Variants in HIVEP3 observed in about 807,000 individuals in gnomAD.
HIVEP3 encodes HIVEP zinc finger 3, also known as transcription factor HIVEP3.
In HIVEP3, 49 loss-of-function variants were observed where a neutral mutation model predicts 152.8. The ratio of observed to expected loss-of-function variants is 0.32; its 90% CI spans 0.26 to 0.41. The LOEUF is 0.41. Among genes scored for constraint, HIVEP3 ranks in the 10% least tolerant of loss-of-function variants. The pLI is 1.00. For missense variants in HIVEP3, 2,790 were observed against 3,103.3 expected (o/e 0.90, Z 2.40); for synonymous variants, 1,269 against 1,289.0 (o/e 0.98, Z 0.33).
At chr1:41,778,118 T>C (rs949672885) in intron 1 of HIVEP3, among the ~76,000 whole-genome samples, 7 of 152,298 alleles carry the variant, frequency 4.6e-5, no homozygotes, top group African/African-American at 1.7e-4. Context: ...TGCACGCACT[T>C]CATTGACCGA....
chr1:41,609,722 G>A (rs1332995167), intron 3 of HIVEP3, among the ~76,000 whole-genome samples: 8 of 152,220 alleles, frequency 5.3e-5, no homozygotes, highest in African/African-American at 4.8e-5. Flanking sequence ...TGGAGCTGGA[G>A]AATTCTCAGA....
In HIVEP3 at chr1:41,628,837, C is replaced by A; in HGVS notation, c.-610G>T. On this transcript the variant is annotated 5_prime_UTR_variant, in exon 3 of 9. Coordinates refer to ENST00000372583, the MANE Select transcript of HIVEP3 (RefSeq NM_024503.5). The stretch of plus-strand genomic sequence containing the variant: ...TTCATGTCCACTCCTACGGCAGCCA[C>A]CCTCCACCTAGGCGCCGCTCTTCCC... 2.4e-6 allele frequency: 3 copies of A among 1,232,148 alleles called. 1 individual carries two copies. The highest frequency in any genetic ancestry group is 3.0e-6 in the Non-Finnish European group (3 of 987,976). 76.3% of individuals were successfully genotyped at this position (1,232,148 alleles called of 1,614,324 possible). A position where few individuals can be genotyped will look rare whatever the true frequency, so the allele number is the denominator to read the frequency against.
intron 1 of HIVEP3, among the ~76,000 whole-genome samples, chr1:41,794,292 A>AG (rs1426554515): frequency 6.6e-6 from 1 of 152,176 alleles, no homozygotes; most frequent in East Asian, 1.9e-4. Flanking sequence ...CAATGACAGT[A>AG]GGGGGGAAAA....
upstream of HIVEP3, among the ~76,000 whole-genome samples, chr1:41,921,017 C>G (rs1414033745): frequency 1.3e-5 from 2 of 152,156 alleles, no homozygotes; most frequent in Non-Finnish European, 2.9e-5. Context: ...GAAAAAGCCT[C>G]CCAGAGTTAC....
intron 1 of HIVEP3, among the ~76,000 whole-genome samples, chr1:41,725,638 A>G (rs1018063853): frequency 6.6e-6 from 1 of 152,248 alleles, no homozygotes; most frequent in Non-Finnish European, 1.5e-5. Context: ...TCCGTATGGA[A>G]ACTCCATAAG....
chr1:42,009,502 TC>T (rs1645481215), intron 1 of HIVEP3, among the ~76,000 whole-genome samples: 1 of 152,232 alleles, frequency 6.6e-6, no homozygotes, highest in Non-Finnish European at 1.5e-5. Context: ...CTGCATTGCT[TC>T]CTTGCCCCAA....
At chr1:41,860,504 T>C (rs531931483) in intron 1 of HIVEP3, among the ~76,000 whole-genome samples, 2 of 152,344 alleles carry the variant, frequency 1.3e-5, no homozygotes, top group South Asian at 4.1e-4. Flanking sequence ...TCTCCTGAGC[T>C]GGTCAAAACC....
At position 41,581,965 on chromosome 1, in the gene HIVEP3, G is replaced by T; in HGVS notation, c.2833C>A (p.Arg945Ser). ...TCATCCCTCTCAAACGAGGCTGAGC[G>T]GCTGGACCCACTCAAAGAGACATTG... ...ESNVSLSGSS[R>S]SASFERDDHG... Residue 945 changes from arginine (R) to serine (S), a missense_variant, in exon 4 of 9, where the codon CGC becomes AGC. Arg to Ser is a moderately radical substitution (Grantham distance 110). Around this residue, in one of 9 missense-constraint regions of HIVEP3, gnomAD observed 1,078 missense variants for 1,165.3 expected, o/e 0.93. Transcript: ENST00000372583. The surrounding 1 kb of genome is among the most constrained non-coding windows in gnomAD (Gnocchi z 4.5). The T allele has an allele frequency of 2.5e-6, 4 of 1,614,188 alleles. No individual in the cohort carries two copies. Among genetic ancestry groups the T allele is most frequent in the Non-Finnish European group, 3.4e-6 (4 of 1,180,034 alleles).
chr1:42,035,162 G>A (rs949286001), intron 1 of HIVEP3, among the ~76,000 whole-genome samples: 5 of 152,232 alleles, frequency 3.3e-5, no homozygotes, highest in Admixed American at 6.5e-5. Context: ...AAATGTCAAT[G>A]CTAACTTAAG....
chr1:41,783,225 T>G (rs1649153648), intron 1 of HIVEP3, among the ~76,000 whole-genome samples: 1 of 151,998 alleles, frequency 6.6e-6, no homozygotes, highest in South Asian at 2.1e-4. Context: ...GACTAGATTG[T>G]TGTCGGGTGT....
intron 3 of HIVEP3, among the ~76,000 whole-genome samples, chr1:41,590,761 A>G (rs1236093593): frequency 6.6e-6 from 1 of 152,204 alleles, no homozygotes; most frequent in East Asian, 1.9e-4. Flanking sequence ...AGGTAGCAAC[A>G]CAGATCAGGG....
At chr1:41,670,907 C>T (rs1645865413) in intron 2 of HIVEP3, among the ~76,000 whole-genome samples, 1 of 152,218 alleles carries the variant, frequency 6.6e-6, no homozygotes, top group Non-Finnish European at 1.5e-5. Context: ...CACACAGAGG[C>T]CTCCAACAGA....
chr1:41,534,644 C>A (rs1310826710), intron 5 of HIVEP3, among the ~76,000 whole-genome samples: 1 of 152,210 alleles, frequency 6.6e-6, no homozygotes, highest in African/African-American at 2.4e-5. Context: ...TCAGGACATC[C>A]CCAGCAGGTG....
chr1:41,522,650 G>A (rs1642791183), intron 6 of HIVEP3, among the ~76,000 whole-genome samples: 1 of 152,254 alleles, frequency 6.6e-6, no homozygotes, highest in Non-Finnish European at 1.5e-5. Flanking sequence ...CTGGCTCAGA[G>A]AGACCCAGGA....
intron 3 of HIVEP3, among the ~76,000 whole-genome samples, chr1:41,621,653 A>T (rs1399350543): frequency 6.6e-6 from 1 of 152,244 alleles, no homozygotes; most frequent in African/African-American, 2.4e-5. Flanking sequence ...TTAGGACTAC[A>T]GGAGTATGAC....
intron 5 of HIVEP3, among the ~76,000 whole-genome samples, chr1:41,554,010 T>C (rs1172409474): frequency 6.6e-6 from 1 of 152,212 alleles, no homozygotes; most frequent in Non-Finnish European, 1.5e-5. Context: ...CTTTGTGGTG[T>C]TCTCTGTATT....
At chr1:41,670,420 T>C (rs988848078) in intron 2 of HIVEP3, among the ~76,000 whole-genome samples, 3 of 151,990 alleles carry the variant, frequency 2.0e-5, no homozygotes, top group African/African-American at 7.3e-5. Context: ...GGTGCCTCCA[T>C]CCCCCCTGAA....
chr1:41,767,130 A>G (rs1648063975), intron 1 of HIVEP3, among the ~76,000 whole-genome samples: 1 of 152,142 alleles, frequency 6.6e-6, no homozygotes, highest in Non-Finnish European at 1.5e-5. Context: ...CTTCTGTCTG[A>G]CACCCACATC....
chr1:42,010,222 G>A (rs1298932446), intron 1 of HIVEP3, among the ~76,000 whole-genome samples: 1 of 152,144 alleles, frequency 6.6e-6, no homozygotes, highest in Non-Finnish European at 1.5e-5. Context: ...ATAGCAGTGA[G>A]TCATTGTTTT....
Sources: gnomAD v4.1 joint callset for allele counts (sites outside exome capture counted in the v4.1 genomes callset) on GRCh38, gnomAD v4.1.1 for gene constraint, gnomAD v4.1.1 regional missense constraint, Gnocchi (gnomAD v3.1) non-coding constraint, MANE v1.5 for transcripts, NCBI Gene and HGNC (gene_info 2026-07-23, HGNC 2026-07-21) for gene names.